The following TRMT11 variants were observed in gnomAD, a reference collection of about 807,000 sequenced individuals.
TRMT11 encodes the protein tRNA methyltransferase 11.
TRMT11 carries 53 observed loss-of-function variants against 62.8 expected under a neutral mutation model. That is an observed-to-expected ratio of 0.84 (90% confidence interval 0.68 to 1.06). The LOEUF is 1.06. Among genes scored for constraint, TRMT11 ranks in the 50% least tolerant of loss-of-function variants. The pLI is 0.00. For missense variants in TRMT11, 556 were observed against 553.4 expected (o/e 1.00, Z -0.05); for synonymous variants, 188 against 190.3 (o/e 0.99, Z 0.10).
chr6:126,219,338 A>G, the TRMT11 span, among the ~76,000 whole-genome samples: 6 of 152,248 alleles, frequency 3.9e-5, no homozygotes, highest in Admixed American at 1.3e-4. Context: ...TCCCTAGCCT[A>G]CAAAGACTGA....
At chr6:126,150,033 TG>T (rs1274036589) in intron 21 of TRMT11, among the ~76,000 whole-genome samples, 3 of 152,198 alleles carry the variant, frequency 2.0e-5, no homozygotes, top group African/African-American at 7.2e-5. Flanking sequence ...TAATCCCTAA[TG>T]TTGCGGTATT....
intron 11 of TRMT11, among the ~76,000 whole-genome samples, chr6:126,014,838 C>T (rs1794747768): frequency 6.6e-6 from 1 of 151,802 alleles, no homozygotes; most frequent in African/African-American, 2.4e-5. Context: ...AGTGAAATGA[C>T]CTATCTAAAG....
intron 17 of TRMT11, among the ~76,000 whole-genome samples, chr6:126,075,321 G>A (rs536552547): frequency 6.6e-6 from 1 of 152,224 alleles, no homozygotes; most frequent in East Asian, 1.9e-4. Context: ...TTGGATTTGT[G>A]TCCCCACCCC....
At chr6:126,203,861 A>C (rs768894281), downstream of TRMT11, among the ~76,000 whole-genome samples, 1 of 152,072 alleles carries the variant, frequency 6.6e-6, no homozygotes, top group Non-Finnish European at 1.5e-5. Flanking sequence ...TGCATAAATA[A>C]AAATTTACAA....
chr6:126,089,072 C>T (rs1476900610), intron 17 of TRMT11, among the ~76,000 whole-genome samples: 2 of 151,368 alleles, frequency 1.3e-5, no homozygotes, highest in African/African-American at 4.9e-5. Flanking sequence ...TTATTGAGCT[C>T]TCACTACATA....
chr6:126,151,847 T>TTTCTTTCTTTCTTTCTTTCC (rs1778052029), intron 21 of TRMT11, among the ~76,000 whole-genome samples: 1 of 144,612 alleles, frequency 6.9e-6, no homozygotes, highest in South Asian at 2.2e-4. Flanking sequence ...TCTTTCTTTC[T>TTTCTTTCTTTCTTTCTTTCC]TTCTTTCTTT....
chr6:126,023,176 A>G (rs1030903225), intron 12 of TRMT11, among the ~76,000 whole-genome samples: 5 of 152,232 alleles, frequency 3.3e-5, no homozygotes, highest in African/African-American at 9.6e-5. Flanking sequence ...ACCATTAAAC[A>G]TTAAAAACAT....
chr6:126,086,639 C>T (rs1328856119), intron 17 of TRMT11, among the ~76,000 whole-genome samples: 2 of 152,210 alleles, frequency 1.3e-5, no homozygotes, highest in Non-Finnish European at 2.9e-5. Flanking sequence ...TACAGTACTT[C>T]AGCAATTCCA....
chr6:126,088,223 T>A lies in TRMT11; in HGVS notation c.*1438-24643T>A, dbSNP rs534994457. 4.1e-4 allele frequency among the ~76,000 whole-genome samples: 63 copies of A among 152,244 alleles called. 2 individuals are homozygous for A. The South Asian group carries it at 0.013, about 31-fold the overall frequency. ...AAATTGAATTAAATTTTATGACAGA[T>A]TATTTTCCTCTTTCAAAACTATTAA... On this transcript the variant is annotated intron_variant and NMD_transcript_variant, in intron 17 of 22. Transcript: ENST00000648977.
intron 1 of TRMT11, among the ~76,000 whole-genome samples, chr6:126,184,595 G>T (rs937465344): frequency 1.3e-5 from 2 of 152,146 alleles, no homozygotes; most frequent in South Asian, 4.1e-4. Flanking sequence ...TCCCTTGATG[G>T]CAATAACTTG....
the TRMT11 span, among the ~76,000 whole-genome samples, chr6:126,243,688 A>G: frequency 6.6e-6 from 1 of 152,210 alleles, no homozygotes. Context: ...CCAAGGACAA[A>G]AAACTAAACA....
At chr6:126,145,459 A>T (rs4363059) in intron 21 of TRMT11, among the ~76,000 whole-genome samples, 81,645 of 152,014 alleles carry the variant, frequency 0.54, 23,066 homozygotes, top group African/African-American at 0.67. Flanking sequence ...AGAGGGGGCT[A>T]TGGGATATTT....
At chr6:126,072,287 C>T (rs1259506009) in intron 17 of TRMT11, among the ~76,000 whole-genome samples, 3 of 152,176 alleles carry the variant, frequency 2.0e-5, no homozygotes, top group Admixed American at 1.3e-4. Flanking sequence ...GGTCATAGAA[C>T]ACATGCTTCT....
chr6:126,074,128 C>G (rs1489563203), intron 17 of TRMT11, among the ~76,000 whole-genome samples: 2 of 152,142 alleles, frequency 1.3e-5, no homozygotes, highest in Non-Finnish European at 2.9e-5. Flanking sequence ...CCATATCACT[C>G]CAGGAGATTC....
chr6:126,028,525 G>C (rs1165022867), intron 12 of TRMT11, among the ~76,000 whole-genome samples: 1 of 152,132 alleles, frequency 6.6e-6, no homozygotes, highest in Non-Finnish European at 1.5e-5. Flanking sequence ...CAGTAGCCTG[G>C]TGATGCTGCA....
At chr6:126,065,994 G>C (rs756842170) in intron 17 of TRMT11, among the ~76,000 whole-genome samples, 3 of 152,226 alleles carry the variant, frequency 2.0e-5, no homozygotes, top group Non-Finnish European at 2.9e-5. Context: ...AATATCCTCG[G>C]TGCCTGCATA....
the TRMT11 span, chr6:126,257,929 TCTG>T: frequency 1.9e-6 from 3 of 1,546,008 alleles, no homozygotes; most frequent in African/African-American, 4.1e-5. Flanking sequence ...CCTCACTTCT[TCTG>T]GGGTGTGCTC....
At chr6:126,063,223 T>C (rs1776588855) in intron 17 of TRMT11, among the ~76,000 whole-genome samples, 2 of 152,206 alleles carry the variant, frequency 1.3e-5, no homozygotes, top group African/African-American at 4.8e-5. Flanking sequence ...TACATTTTGC[T>C]TTTATAACAT....
the TRMT11 span, chr6:126,258,170 A>G: frequency 1.4e-6 from 1 of 727,142 alleles, no homozygotes; most frequent in South Asian, 1.4e-5. Context: ...GGCACTTTGT[A>G]GCTCCTTGTG....
Sources: gnomAD v4.1 joint callset for allele counts (sites outside exome capture counted in the v4.1 genomes callset) on GRCh38, gnomAD v4.1.1 for gene constraint, MANE v1.5 for transcripts, NCBI Gene and HGNC (gene_info 2026-07-23, HGNC 2026-07-21) for gene names.